The following PGBD5 variants were observed in gnomAD, a reference collection of about 807,000 sequenced individuals.
PGBD5 encodes the protein piggyBac transposable element derived 5, also known as piggyBac transposable element-derived protein 5.
PGBD5 carries 14 observed loss-of-function variants against 47.9 expected under a neutral mutation model. That is an observed-to-expected ratio of 0.29 (90% CI 0.19 to 0.46). The LOEUF (loss-of-function observed/expected upper bound fraction) is 0.46. Among genes scored for constraint, PGBD5 ranks in the 20% least tolerant of loss-of-function variants. The probability of loss-of-function intolerance (pLI) is 1.00; values close to 1 mark genes in which losing one functional copy is unlikely to be tolerated. For synonymous variants in PGBD5, 316 were observed against 306.3 expected (o/e 1.03, Z -0.33); for missense variants, 635 against 716.0 (o/e 0.89, Z 1.29).
intron 1 of PGBD5, among the ~76,000 whole-genome samples, chr1:230,412,744 G>A (rs1241874080): frequency 2.0e-5 from 3 of 152,142 alleles, no homozygotes; most frequent in Non-Finnish European, 2.9e-5. Flanking sequence ...AGGAGGAGGA[G>A]GAAGAGGAGT....
chr1:230,355,975 G>C (rs762986876), intron 2 of PGBD5, among the ~76,000 whole-genome samples: 3 of 152,186 alleles, frequency 2.0e-5, no homozygotes, highest in African/African-American at 4.8e-5. Context: ...GAGAGTTAGA[G>C]AGAGGACCTA....
chr1:230,330,861 T>C (rs1290757331), intron 5 of PGBD5, among the ~76,000 whole-genome samples: 3 of 152,204 alleles, frequency 2.0e-5, no homozygotes, highest in Admixed American at 6.5e-5. Flanking sequence ...AAATTGTAAG[T>C]ACATTAAACA....
chr1:230,378,520 A>AG (rs1453097317), intron 1 of PGBD5, among the ~76,000 whole-genome samples: 1 of 152,188 alleles, frequency 6.6e-6, no homozygotes, highest in Non-Finnish European at 1.5e-5. Context: ...TGACATCAGT[A>AG]GTATAGCTTG....
intron 1 of PGBD5, among the ~76,000 whole-genome samples, chr1:230,418,517 C>T (rs984341755): frequency 4.6e-5 from 7 of 151,990 alleles, no homozygotes; most frequent in Non-Finnish European, 7.4e-5. Flanking sequence ...TTTTTCTTTT[C>T]GAGATGGGGT....
At chr1:230,363,394 C>T (rs1046768459) in intron 1 of PGBD5, among the ~76,000 whole-genome samples, 3 of 152,098 alleles carry the variant, frequency 2.0e-5, no homozygotes, top group Non-Finnish European at 4.4e-5. Flanking sequence ...CCAGCCTGGC[C>T]AATATGGTGA....
rs550503391 is a variant in PGBD5, at chr1:230,323,231, T to C, written c.*194A>G. Reference sequence around the variant, plus strand: ...CACTGTTTCTCGAGGGAGGACATGCTCTTCTTGGAATGCAAATGAGGACAG... The same window carrying C: ...CACTGTTTCTCGAGGGAGGACATGCCCTTCTTGGAATGCAAATGAGGACAG... On this transcript the variant is annotated 3_prime_UTR_variant, in exon 7 of 7. Coordinates refer to ENST00000391860, the MANE Select transcript of PGBD5 (RefSeq NM_001258311.2). This position sits in a 1 kb window ranked among gnomAD's most constrained non-coding sequence, Gnocchi z 4.1. 1.5e-5 allele frequency: 9 copies of C among 604,894 alleles called. No homozygotes were observed. The East Asian group carries it at 1.7e-4, about 12-fold the overall frequency. 37.5% of individuals were successfully genotyped at this position (604,894 alleles called of 1,614,324 possible). A position where few individuals can be genotyped will look rare whatever the true frequency, so the allele number is the denominator to read the frequency against.
At chr1:230,410,102 C>A (rs1657382005) in intron 1 of PGBD5, among the ~76,000 whole-genome samples, 2 of 152,134 alleles carry the variant, frequency 1.3e-5, no homozygotes, top group South Asian at 2.1e-4. Flanking sequence ...CAGGCAAATG[C>A]AAAGAAGAAG....
rs756233911 is a variant in PGBD5, at chr1:230,323,428, G to A, written c.1572C>T (p.His524=). The change falls in exon 7 of 7, where the codon CAC becomes CAT. Residue 524 remains histidine, a synonymous_variant. Coordinates refer to ENST00000391860, the MANE Select transcript of PGBD5 (RefSeq NM_001258311.2). The surrounding 1 kb of genome is among the most constrained non-coding windows in gnomAD (Gnocchi z 4.1). The part of the protein sequence containing the change: ...LLGLEDASPT[H] ...ACCGAGTCCTGCGCCCCCAGCATCA[G>A]TGGGTCGGAGAGGCATCCTCCAAGC... The A allele has an allele frequency of 2.0e-5, 32 of 1,612,652 alleles. No homozygotes were observed. Among genetic ancestry groups the A allele is most frequent in the Non-Finnish European group, 1.7e-5 (20 of 1,179,390 alleles).
intron 1 of PGBD5, among the ~76,000 whole-genome samples, chr1:230,402,261 T>C (rs912316362): frequency 2.0e-5 from 3 of 152,030 alleles, no homozygotes; most frequent in African/African-American, 7.3e-5. Flanking sequence ...CTAGAGGGAG[T>C]GGGCCTGGGA....
intron 1 of PGBD5, among the ~76,000 whole-genome samples, chr1:230,369,760 C>G (rs971022254): frequency 6.6e-6 from 1 of 152,148 alleles, no homozygotes; most frequent in African/African-American, 2.4e-5. Flanking sequence ...ACAGACAGTG[C>G]TGGTCCTATC....
rs1666949799 is a variant in PGBD5, at chr1:230,316,266, G to A, written c.*7159C>T. 6.5e-6 allele frequency: 1 copy of A among 153,162 alleles called. No individual in the cohort carries two copies. Among genetic ancestry groups the A allele is most frequent in the Non-Finnish European group, 1.5e-5 (1 of 68,022 alleles). 9.5% of individuals were successfully genotyped at this position (153,162 alleles called of 1,614,324 possible). ...TGTATATATGTATTAAGTGGACATTGTACTTCTGATGTGGATACGGTGATG... is the reference window on the plus strand; with the variant it reads ...TGTATATATGTATTAAGTGGACATTATACTTCTGATGTGGATACGGTGATG... On this transcript the variant is annotated 3_prime_UTR_variant, in exon 7 of 7. Coordinates refer to ENST00000391860, the MANE Select transcript of PGBD5 (RefSeq NM_001258311.2).
intron 2 of PGBD5, among the ~76,000 whole-genome samples, chr1:230,353,927 C>T (rs760416746): frequency 7.2e-5 from 11 of 152,194 alleles, no homozygotes; most frequent in Non-Finnish European, 1.2e-4. Flanking sequence ...GTGGCAGATG[C>T]GTCTCTGAGA....
chr1:230,333,045 A>G lies in PGBD5; in HGVS notation c.1076-4T>C. 6.3e-7 allele frequency: 1 copy of G among 1,586,462 alleles called. No individual in the cohort carries two copies. Among genetic ancestry groups the G allele is most frequent in the South Asian group, 1.1e-5 (1 of 87,826 alleles). On this transcript the variant is annotated splice_polypyrimidine_tract_variant and splice_region_variant and intron_variant, in intron 4 of 6. Transcript: ENST00000391860. ...AGCAAGCCGCAGCAGTAAATCCCTGAGGGGAGAGGGAGGAAGGATCGCACA... is the reference window on the plus strand; with the variant it reads ...AGCAAGCCGCAGCAGTAAATCCCTGGGGGGAGAGGGAGGAAGGATCGCACA...
At chr1:230,350,034 T>C (rs962743681) in intron 3 of PGBD5, among the ~76,000 whole-genome samples, 5 of 152,198 alleles carry the variant, frequency 3.3e-5, no homozygotes, top group African/African-American at 9.7e-5. Context: ...GGAGGAGATG[T>C]TCGGCAGAAT....
chr1:230,418,224 C>G (rs1172770979), intron 1 of PGBD5, among the ~76,000 whole-genome samples: 1 of 152,130 alleles, frequency 6.6e-6, no homozygotes, highest in East Asian at 1.9e-4. Flanking sequence ...ATACAAACAT[C>G]AAGAAAACAT....
intron 1 of PGBD5, among the ~76,000 whole-genome samples, chr1:230,411,584 T>A (rs565098468): frequency 1.3e-5 from 2 of 152,282 alleles, no homozygotes; most frequent in African/African-American, 4.8e-5. Context: ...AAAAGGCAAT[T>A]AAGAAATAAT....
At position 230,324,103 on chromosome 1, in the gene PGBD5, C is replaced by G. The variant is rs117118749; in HGVS notation, c.1380-483G>C. On this transcript the variant is annotated intron_variant, in intron 6 of 6. Coordinates refer to ENST00000391860, the MANE Select transcript of PGBD5 (RefSeq NM_001258311.2). ...CACCATCCCTGCAGATGAAGGCACA[C>G]AGGTCACCCCTCCGGGAAGCCCACC... 3.9e-3 allele frequency among the ~76,000 whole-genome samples: 599 copies of G among 152,354 alleles called. 8 individuals are homozygous for G. The East Asian group carries it at 0.051, about 13-fold the overall frequency.
chr1:230,411,735 A>G (rs1319228866), intron 1 of PGBD5, among the ~76,000 whole-genome samples: 1 of 152,204 alleles, frequency 6.6e-6, no homozygotes, highest in Non-Finnish European at 1.5e-5. Flanking sequence ...TCAGCTGTGT[A>G]TCAAAGAGAA....
intron 5 of PGBD5, among the ~76,000 whole-genome samples, chr1:230,327,838 G>A (rs1435182646): frequency 6.6e-6 from 1 of 152,208 alleles, no homozygotes; most frequent in Non-Finnish European, 1.5e-5. Context: ...CTCCAAGACC[G>A]AGTAGGAGTA....
Sources: allele counts gnomAD v4.1 joint callset (sites outside exome capture counted in the v4.1 genomes callset), GRCh38; gene constraint gnomAD v4.1.1; non-coding constraint Gnocchi (gnomAD v3.1); transcripts MANE v1.5; gene names NCBI Gene and HGNC (gene_info 2026-07-23, HGNC 2026-07-21).